The following CELF2 variants were observed in gnomAD, a reference collection of about 807,000 sequenced individuals.
The protein encoded by CELF2 is CUGBP Elav-like family member 2.
Under a neutral mutation model 62.6 loss-of-function variants are expected in CELF2, and 8 were observed. That is an observed-to-expected ratio of 0.13 (90% CI 0.07 to 0.23). The LOEUF is 0.23. Among genes scored for constraint, CELF2 ranks in the 10% least tolerant of loss-of-function variants. The probability of loss-of-function intolerance (pLI) is 1.00; values close to 1 mark genes in which losing one functional copy is unlikely to be tolerated. For missense variants in CELF2, 333 were observed against 671.0 expected (o/e 0.50, Z 5.56); for synonymous variants, 258 against 250.0 (o/e 1.03, Z -0.30).
At chr10:11,164,952 C>G in intron 1 of CELF2, 1 of 521,482 alleles carries the variant, frequency 1.9e-6, no homozygotes, top group South Asian at 8.0e-5. Flanking sequence ...AGTCATCTGA[C>G]GGACTGCCAA....
At chr10:10,536,118 C>A in the CELF2 span, among the ~76,000 whole-genome samples, 1 of 150,750 alleles carries the variant, frequency 6.6e-6, no homozygotes, top group Non-Finnish European at 1.5e-5. Flanking sequence ...CTCCCGAGTT[C>A]AAGCGATTCT....
At chr10:11,149,113 C>G (rs886783693) in intron 1 of CELF2, among the ~76,000 whole-genome samples, 3 of 152,166 alleles carry the variant, frequency 2.0e-5, no homozygotes, top group Admixed American at 6.5e-5. Flanking sequence ...TTCTGTCACC[C>G]AGGCTGGAGT....
At chr10:10,619,365 C>T in the CELF2 span, among the ~76,000 whole-genome samples, 1 of 152,114 alleles carries the variant, frequency 6.6e-6, no homozygotes, top group Non-Finnish European at 1.5e-5. Context: ...AAGTGCTCTC[C>T]CAATTAGAGG....
At chr10:11,273,262 C>T (rs188555238) in intron 7 of CELF2, among the ~76,000 whole-genome samples, 284 of 152,116 alleles carry the variant, frequency 1.9e-3, no homozygotes, top group African/African-American at 6.5e-3. Context: ...GGAACCGGAC[C>T]GCCCAGCAGG....
At chr10:10,735,481 A>G in the CELF2 span, among the ~76,000 whole-genome samples, 1 of 152,220 alleles carries the variant, frequency 6.6e-6, no homozygotes, top group Admixed American at 6.5e-5. Flanking sequence ...GATATGCTTT[A>G]TACCAAAAGC....
chr10:10,894,617 G>C (rs2062404375), intron 1 of CELF2, among the ~76,000 whole-genome samples: 1 of 152,098 alleles, frequency 6.6e-6, no homozygotes, highest in Non-Finnish European at 1.5e-5. Flanking sequence ...TCCAAACTTA[G>C]GAAATGTACA....
chr10:10,899,569 A>C (rs920014563), intron 1 of CELF2, among the ~76,000 whole-genome samples: 3 of 152,222 alleles, frequency 2.0e-5, no homozygotes, highest in African/African-American at 7.2e-5. Flanking sequence ...AACCTTTAAA[A>C]ATGTAAAAAC....
intron 1 of CELF2, among the ~76,000 whole-genome samples, chr10:10,833,177 G>A (rs554232686): frequency 8.5e-5 from 13 of 152,176 alleles, no homozygotes; most frequent in East Asian, 1.9e-4. Context: ...TTGTGTTTAC[G>A]GCTTATCTTC....
rs186430359 is a variant in CELF2, at chr10:10,997,763, C to G, written c.89+77764C>G. On this transcript the variant is annotated intron_variant, in intron 2 of 13. Coordinates refer to the CELF2 transcript ENST00000636488. This position sits in a 1 kb window ranked among gnomAD's most constrained non-coding sequence, Gnocchi z 5.3. ...TTGACAAAGAAAAGAACCTCCCTCA[C>G]GGGCCCCGTAGTCGCTCACTTGTAG... 6.6e-6 allele frequency among the ~76,000 whole-genome samples: 1 copy of G among 152,190 alleles called. No homozygotes were observed. Among genetic ancestry groups the G allele is most frequent in the East Asian group, 1.9e-4 (1 of 5,194 alleles).
the CELF2 span, among the ~76,000 whole-genome samples, chr10:10,498,092 G>A: frequency 6.6e-6 from 1 of 152,186 alleles, no homozygotes; most frequent in African/African-American, 2.4e-5. Flanking sequence ...CGGACCAGTT[G>A]TGAAGAGGGA....
At chr10:10,970,511 A>G (rs1205396081) in intron 2 of CELF2, among the ~76,000 whole-genome samples, 1 of 152,240 alleles carries the variant, frequency 6.6e-6, no homozygotes, top group African/African-American at 2.4e-5. Flanking sequence ...AAATCCCAGT[A>G]TTCACATTTG....
At chr10:10,689,471 C>T in the CELF2 span, among the ~76,000 whole-genome samples, 2 of 146,002 alleles carry the variant, frequency 1.4e-5, no homozygotes, top group Non-Finnish European at 3.0e-5. Context: ...AACCATATCA[C>T]CTTTGCAGTA....
the CELF2 span, among the ~76,000 whole-genome samples, chr10:10,736,657 G>T: frequency 6.6e-6 from 1 of 151,808 alleles, no homozygotes; most frequent in South Asian, 2.1e-4. Context: ...ATGGCAAGAT[G>T]ATTGAGTTAA....
chr10:10,734,267 G>A, the CELF2 span, among the ~76,000 whole-genome samples: 2 of 152,182 alleles, frequency 1.3e-5, no homozygotes, highest in African/African-American at 2.4e-5. Context: ...ATTGGTAATA[G>A]CACATATATT....
At chr10:10,790,935 C>G in the CELF2 span, among the ~76,000 whole-genome samples, 1 of 152,146 alleles carries the variant, frequency 6.6e-6, no homozygotes, top group Non-Finnish European at 1.5e-5. Flanking sequence ...CTGTCACCCA[C>G]AAACTACAAT....
At chr10:11,058,012 G>T (rs766969036) in intron 1 of CELF2, among the ~76,000 whole-genome samples, 1 of 150,408 alleles carries the variant, frequency 6.6e-6, no homozygotes. Context: ...GAAAAAAGAG[G>T]CTAAGCAAAA....
the CELF2 span, among the ~76,000 whole-genome samples, chr10:10,713,762 C>A: frequency 1.3e-5 from 2 of 152,152 alleles, no homozygotes; most frequent in African/African-American, 2.4e-5. Context: ...AGGCCGGGCA[C>A]GGTGGCTCAT....
the CELF2 span, among the ~76,000 whole-genome samples, chr10:10,697,127 A>C: frequency 6.6e-6 from 1 of 152,202 alleles, no homozygotes; most frequent in Non-Finnish European, 1.5e-5. Flanking sequence ...ACAAAAAAAA[A>C]AAAGTGGTTG....
intron 1 of CELF2, among the ~76,000 whole-genome samples, chr10:11,051,442 CT>C (rs1461186154): frequency 6.6e-6 from 1 of 152,210 alleles, no homozygotes; most frequent in Non-Finnish European, 1.5e-5. Flanking sequence ...GAGTTTGCCT[CT>C]CTTGCTCGTC....
Sources: allele counts gnomAD v4.1 joint callset (sites outside exome capture counted in the v4.1 genomes callset), GRCh38; gene constraint gnomAD v4.1.1; non-coding constraint Gnocchi (gnomAD v3.1); transcripts MANE v1.5; gene names NCBI Gene and HGNC (gene_info 2026-07-23, HGNC 2026-07-21).